CTNND1: variants seen among roughly 807,000 people sequenced by gnomAD.
CTNND1 encodes catenin delta-1.
Under a neutral mutation model 112.1 loss-of-function variants are expected in CTNND1, and 16 were observed. The observed-to-expected ratio is 0.14, with a 90% CI of 0.10 to 0.22. The LOEUF is 0.22. CTNND1 is among the 10% of genes least tolerant of loss of function. The pLI is 1.00. For missense variants in CTNND1, 1,008 were observed against 1,257.0 expected (o/e 0.80, Z 3.00); for synonymous variants, 420 against 446.5 (o/e 0.94, Z 0.75).
intron 12 of CTNND1, 24 bp downstream of exon 12, chr11:57,807,007 A>G (rs766045541): frequency 1.9e-6 from 3 of 1,547,568 alleles, no homozygotes; most frequent in Admixed American, 1.8e-5. Context: ...TCAGTCTCCA[A>G]AGGTCTCATA....
intron 1 of CTNND1, among the ~76,000 whole-genome samples, chr11:57,779,287 T>G (rs2059330135): frequency 6.6e-6 from 1 of 152,226 alleles, no homozygotes; most frequent in African/African-American, 2.4e-5. Flanking sequence ...TAATGTTTGA[T>G]CATAACTAGA....
chr11:57,776,657 A>T (rs1452411437), intron 1 of CTNND1, among the ~76,000 whole-genome samples: 1 of 152,202 alleles, frequency 6.6e-6, no homozygotes, highest in African/African-American at 2.4e-5. Context: ...ATATGTCTGC[A>T]AAGAGTCTGA....
At chr11:57,785,772 C>T (rs2060061799) in intron 1 of CTNND1, among the ~76,000 whole-genome samples, 1 of 152,014 alleles carries the variant, frequency 6.6e-6, no homozygotes, top group Non-Finnish European at 1.5e-5. Flanking sequence ...CGGTCTCAAA[C>T]CCCTGACCTT....
At chr11:57,796,322 G>A (rs2136914492) in intron 5 of CTNND1, 135 bp from the exon 6 acceptor site, 2 of 781,892 alleles carry the variant, frequency 2.6e-6, no homozygotes, top group South Asian at 4.0e-5. Context: ...GGAGGCAGAG[G>A]TTGCAGGTGA....
At chr11:57,771,626 G>A (rs1472147243) in intron 1 of CTNND1, among the ~76,000 whole-genome samples, 1 of 152,108 alleles carries the variant, frequency 6.6e-6, no homozygotes, top group African/African-American at 2.4e-5. Flanking sequence ...ATGTATTTTG[G>A]GGGAAGGGGA....
intron 1 of CTNND1, among the ~76,000 whole-genome samples, chr11:57,785,659 C>T (rs1408515604): frequency 6.6e-6 from 1 of 151,974 alleles, no homozygotes; most frequent in Non-Finnish European, 1.5e-5. Flanking sequence ...AAGTGATTCT[C>T]CTGCCTCAGC....
chr11:57,807,489 C>G (rs966224250), intron 12 of CTNND1, among the ~76,000 whole-genome samples: 1 of 151,288 alleles, frequency 6.6e-6, no homozygotes, highest in Non-Finnish European at 1.5e-5. Flanking sequence ...GCCTGTAATC[C>G]CAGCTACTCT....
Position 57,815,387 on chromosome 11 carries a change from T to A in CTNND1, c.2702-7T>A, listed in dbSNP as rs1565385798. On this transcript the variant is annotated splice_polypyrimidine_tract_variant and splice_region_variant and intron_variant, in intron 18 of 20. Transcript: ENST00000399050. The stretch of plus-strand genomic sequence containing the variant: ...ATATTTCTGTGTACTTTTTTTTTTT[T>A]AACCAGATAACAACTATTCCACACC... The A allele has an allele frequency of 2.0e-6, 3 of 1,525,350 alleles. No individual in the cohort carries two copies. Among genetic ancestry groups the A allele is most frequent in the Admixed American group, 2.2e-5 (1 of 45,996 alleles). The allele number at this position is 1,525,350 out of a possible 1,614,324, so 94.5% of individuals were successfully genotyped here. A position where few individuals can be genotyped will look rare whatever the true frequency, so the allele number is the denominator to read the frequency against.
Position 57,791,624 on chromosome 11 carries a change from A to G in CTNND1, c.146A>G (p.Gln49Arg). Residue 49 changes from glutamine to arginine, a missense_variant, in exon 3 of 21, where the codon CAA becomes CGA. Gln to Arg is a conservative substitution (Grantham distance 43, BLOSUM62 1). Coordinates refer to ENST00000399050, the MANE Select transcript of CTNND1 (RefSeq NM_001085458.2). The stretch of plus-strand genomic sequence containing the variant: ...CTGGAACGCGTCCGGGTCTCACCAC[A>G]AGATGCCAACCCACTCATGGCCAAC... ...AQLERVRVSP[Q>R]DANPLMANGT... 2.5e-6 allele frequency: 4 copies of G among 1,602,842 alleles called. No individual in the cohort carries two copies. The highest frequency in any genetic ancestry group is 3.4e-6 in the Non-Finnish European group (4 of 1,173,970).
rs892678898 is a variant in CTNND1 at position 57,776,963 on chromosome 11, A to G, written c.-213-12074A>G. On this transcript the variant is annotated intron_variant, in intron 1 of 20. Transcript: ENST00000399050. ...CTACTATTTTTATCTACTTTAGTAT[A>G]TCTACTTCACACCGTGGTACTTAAT... Among the ~76,000 whole-genome samples, 36 of 152,160 alleles carry G rather than the reference A, an allele frequency of 2.4e-4. 1 individual carries two copies. Among genetic ancestry groups the G allele is most frequent in the Non-Finnish European group, 1.2e-4 (8 of 68,026 alleles).
chr11:57,788,819 T>G lies in CTNND1; in HGVS notation c.-213-218T>G, dbSNP rs1390942930. Reference sequence around the variant, plus strand: ...AAATACAAATAGAGGAGCTCTCACTTGACAGTAGAATCCAGGTTTTAATGA... The same window carrying G: ...AAATACAAATAGAGGAGCTCTCACTGGACAGTAGAATCCAGGTTTTAATGA... On this transcript the variant is annotated intron_variant, in intron 1 of 20. Coordinates refer to ENST00000399050, the MANE Select transcript of CTNND1 (RefSeq NM_001085458.2). The surrounding 1 kb of genome is among the most constrained non-coding windows in gnomAD (Gnocchi z 4.1). Among the ~76,000 whole-genome samples, 1 of 152,180 alleles carries G rather than the reference T, an allele frequency of 6.6e-6. No individual in the cohort carries two copies. Among genetic ancestry groups the G allele is most frequent in the Non-Finnish European group, 1.5e-5 (1 of 68,040 alleles).
intron 1 of CTNND1, among the ~76,000 whole-genome samples, chr11:57,764,350 CTA>C (rs1950576152): frequency 1.3e-5 from 2 of 152,020 alleles, no homozygotes. Flanking sequence ...AAAATTGAGA[CTA>C]TTGGTGATAT....
At chr11:57,782,442 T>G (rs1173285393) in intron 1 of CTNND1, among the ~76,000 whole-genome samples, 7 of 152,224 alleles carry the variant, frequency 4.6e-5, no homozygotes. Flanking sequence ...TTGGGGAGCC[T>G]TCTGAGCCAC....
intron 1 of CTNND1, among the ~76,000 whole-genome samples, chr11:57,785,961 C>T (rs1007165373): frequency 6.6e-6 from 1 of 151,930 alleles, no homozygotes; most frequent in South Asian, 2.1e-4. Flanking sequence ...TTCTTACAGA[C>T]GAGACTGAGT....
chr11:57,811,857 G>A (rs2063402184), intron 17 of CTNND1, among the ~76,000 whole-genome samples: 1 of 152,014 alleles, frequency 6.6e-6, no homozygotes, highest in Non-Finnish European at 1.5e-5. Context: ...AAAATCACTT[G>A]TTTCTTTTAT....
At chr11:57,797,125 T>C (rs1409615526) in intron 6 of CTNND1, 133 bp downstream of exon 6, 1 of 629,126 alleles carries the variant, frequency 1.6e-6, no homozygotes, top group African/African-American at 1.9e-5. Context: ...TTTTTTGGGG[T>C]GAAAAGCTAC....
At chr11:57,765,660 G>A (rs1411502563) in intron 1 of CTNND1, among the ~76,000 whole-genome samples, 1 of 151,640 alleles carries the variant, frequency 6.6e-6, no homozygotes, top group Non-Finnish European at 1.5e-5. Context: ...TGGAGATGGG[G>A]TCTCTCTATG....
intron 17 of CTNND1, among the ~76,000 whole-genome samples, chr11:57,812,992 A>T (rs1256787748): frequency 1.3e-5 from 2 of 152,302 alleles, no homozygotes; most frequent in East Asian, 3.9e-4. Context: ...AGTTTTGAAA[A>T]ACTTTTATTT....
At chr11:57,815,732 A>G in intron 19 of CTNND1, 183 bp from the exon 20 acceptor site, 1 of 773,994 alleles carries the variant, frequency 1.3e-6, no homozygotes, top group Non-Finnish European at 2.3e-6. Context: ...GACTAACACT[A>G]ACTGATCTAC....
Sources: allele counts gnomAD v4.1 joint callset (sites outside exome capture counted in the v4.1 genomes callset), GRCh38; gene constraint gnomAD v4.1.1; non-coding constraint Gnocchi (gnomAD v3.1); transcripts MANE v1.5; gene names NCBI Gene and HGNC (gene_info 2026-07-23, HGNC 2026-07-21).